The following NCOA7 variants were observed in gnomAD, a reference collection of about 807,000 sequenced individuals.
The protein encoded by NCOA7 is nuclear receptor coactivator 7, also known as 140 kDa estrogen receptor-associated protein.
NCOA7 carries 45 observed loss-of-function variants against 104.3 expected under a neutral mutation model. The observed-to-expected ratio is 0.43, with a 90% CI of 0.34 to 0.55. The LOEUF (loss-of-function observed/expected upper bound fraction) is 0.55. Ranked by LOEUF, NCOA7 falls within the 20% of genes least tolerant of loss-of-function variation. The pLI is 0.02. For missense variants in NCOA7, 1,041 were observed against 1,119.7 expected, an observed-to-expected ratio of 0.93 and a Z score of 1.00; for synonymous variants, 398 against 402.3, an observed-to-expected ratio of 0.99 and a Z score of 0.13.
chr6:125,851,453 T>A (rs1781121908), intron 2 of NCOA7, among the ~76,000 whole-genome samples: 1 of 152,246 alleles, frequency 6.6e-6, no homozygotes, highest in Non-Finnish European at 1.5e-5. Flanking sequence ...GGCTGAGTAG[T>A]AGTCCATGGT....
chr6:125,890,859 G>T (rs1784574838), intron 10 of NCOA7, 49 bp downstream of exon 10: 1 of 1,402,222 alleles, frequency 7.1e-7, no homozygotes, highest in Non-Finnish European at 9.4e-7. Context: ...AGGTTTGGAT[G>T]GCGTTTTGAT....
Position 125,881,070 on chromosome 6 carries a change from C to G in NCOA7, c.460-20C>G, listed in dbSNP as rs550481016. 1.1e-4 allele frequency: 171 copies of G among 1,531,568 alleles called. No homozygotes were observed. The highest frequency in any genetic ancestry group is 1.4e-4 in the Non-Finnish European group (157 of 1,105,136). The allele number at this position is 1,531,568 out of a possible 1,614,324, so 94.9% of individuals were successfully genotyped here. A position where few individuals can be genotyped will look rare whatever the true frequency, so the allele number is the denominator to read the frequency against. ...TGCCTGGTTGCTGGTACTCACCCATCTGTTCTCTCCCATTCTCAGGTCCTT... is the reference window on the plus strand; with the variant it reads ...TGCCTGGTTGCTGGTACTCACCCATGTGTTCTCTCCCATTCTCAGGTCCTT... On this transcript the variant is annotated intron_variant, in intron 5 of 15. Coordinates refer to ENST00000392477, the MANE Select transcript of NCOA7 (RefSeq NM_181782.5).
upstream of NCOA7, among the ~76,000 whole-genome samples, chr6:125,787,432 G>A (rs1483597624): frequency 1.3e-5 from 2 of 152,170 alleles, no homozygotes; most frequent in Non-Finnish European, 2.9e-5. Context: ...GAGAAATCCT[G>A]TTGCCTGAAC....
At chr6:125,816,482 G>A (rs980328003) in intron 2 of NCOA7, among the ~76,000 whole-genome samples, 15 of 152,130 alleles carry the variant, frequency 9.9e-5, no homozygotes, top group Admixed American at 5.2e-4. Context: ...GTTAGGAATA[G>A]TAAATCATGA....
intron 2 of NCOA7, among the ~76,000 whole-genome samples, chr6:125,845,018 C>G (rs1780477702): frequency 6.6e-6 from 1 of 152,138 alleles, no homozygotes; most frequent in Admixed American, 6.5e-5. Flanking sequence ...GGACAACAAA[C>G]CTGAGGCTTA....
upstream of NCOA7, among the ~76,000 whole-genome samples, chr6:125,786,734 C>T (rs1224667117): frequency 3.3e-5 from 5 of 152,090 alleles, no homozygotes; most frequent in Non-Finnish European, 7.3e-5. Flanking sequence ...TGCCACCATA[C>T]CCAGCTAAGT....
chr6:125,826,861 T>C (rs569802643), intron 2 of NCOA7, among the ~76,000 whole-genome samples: 25 of 152,210 alleles, frequency 1.6e-4, no homozygotes, highest in African/African-American at 5.1e-4. Flanking sequence ...GACAAGGGCC[T>C]GCATGCTGTA....
At chr6:125,816,142 TC>T (rs1777573692) in intron 2 of NCOA7, among the ~76,000 whole-genome samples, 1 of 152,148 alleles carries the variant, frequency 6.6e-6, no homozygotes, top group Non-Finnish European at 1.5e-5. Context: ...CCATCCCCAG[TC>T]CCCAGGCTGT....
chr6:125,832,082 C>T (rs559902089), intron 2 of NCOA7, among the ~76,000 whole-genome samples: 11 of 152,334 alleles, frequency 7.2e-5, no homozygotes, highest in African/African-American at 2.6e-4. Context: ...TCAATTCTTT[C>T]ACAGTGTTAT....
At chr6:125,905,860 G>T (rs547053130) in intron 10 of NCOA7, among the ~76,000 whole-genome samples, 167 of 152,230 alleles carry the variant, frequency 1.1e-3, no homozygotes, top group Non-Finnish European at 1.9e-3. Flanking sequence ...GAGTGCAGTG[G>T]CATGATCTCG....
At chr6:125,920,693 GC>G (rs1366108097) in intron 11 of NCOA7, among the ~76,000 whole-genome samples, 1 of 152,172 alleles carries the variant, frequency 6.6e-6, no homozygotes, top group Non-Finnish European at 1.5e-5. Context: ...ACAGGCATGA[GC>G]CACCACGTCT....
intron 11 of NCOA7, among the ~76,000 whole-genome samples, chr6:125,917,345 C>G (rs1787173870): frequency 6.6e-6 from 1 of 152,138 alleles, no homozygotes; most frequent in South Asian, 2.1e-4. Flanking sequence ...CATCTACCTT[C>G]CTCATCACTG....
At chr6:125,868,288 T>C (rs1384858129) in intron 3 of NCOA7, among the ~76,000 whole-genome samples, 1 of 152,242 alleles carries the variant, frequency 6.6e-6, no homozygotes, top group Non-Finnish European at 1.5e-5. Flanking sequence ...GAAACCTTTT[T>C]GCTCATGGTT....
rs975203199 is a variant in NCOA7, at chr6:125,930,850, T to C, written c.*2079T>C. 1 of 152,540 alleles carries C rather than the reference T, an allele frequency of 6.6e-6. No homozygotes were observed. Among genetic ancestry groups the C allele is most frequent in the African/African-American group, 2.4e-5 (1 of 41,446 alleles). The allele number at this position is 152,540 out of a possible 1,614,324, so 9.4% of individuals were successfully genotyped here. A position where few individuals can be genotyped will look rare whatever the true frequency, so the allele number is the denominator to read the frequency against. ...GAGATATCAGGAATGTCTCATGATA[T>C]CACGTTTACCATTTACACCATCTGC... On this transcript the variant is annotated 3_prime_UTR_variant, in exon 16 of 16. Coordinates refer to ENST00000392477, the MANE Select transcript of NCOA7 (RefSeq NM_181782.5).
chr6:125,786,812 G>T (rs1364007170), upstream of NCOA7, among the ~76,000 whole-genome samples: 1 of 152,088 alleles, frequency 6.6e-6, no homozygotes, highest in Non-Finnish European at 1.5e-5. Flanking sequence ...CTGACCTCAA[G>T]TGATCCACCC....
intron 3 of NCOA7, among the ~76,000 whole-genome samples, chr6:125,861,666 C>T (rs1377691169): frequency 3.9e-5 from 6 of 152,088 alleles, no homozygotes; most frequent in East Asian, 1.9e-4. Flanking sequence ...TTAGTGTTTT[C>T]GTGACATACC....
intron 2 of NCOA7, among the ~76,000 whole-genome samples, chr6:125,828,623 C>A (rs1225305152): frequency 6.6e-6 from 1 of 152,140 alleles, no homozygotes; most frequent in African/African-American, 2.4e-5. Flanking sequence ...AGAAAGGGAT[C>A]CCTCAGGGAT....
chr6:125,928,591 A>G, intron 15 of NCOA7, 45 bp from the exon 16 acceptor site: 2 of 1,575,242 alleles, frequency 1.3e-6, no homozygotes, highest in Non-Finnish European at 1.7e-6. Context: ...GTGTCATGTA[A>G]CATAGAAGTG....
intron 10 of NCOA7, among the ~76,000 whole-genome samples, chr6:125,909,328 G>C (rs1448651578): frequency 6.6e-6 from 1 of 152,172 alleles, no homozygotes; most frequent in Non-Finnish European, 1.5e-5. Context: ...CCAGTGTCCA[G>C]CTCTAACATT....
Sources: allele counts gnomAD v4.1 joint callset (sites outside exome capture counted in the v4.1 genomes callset), GRCh38; gene constraint gnomAD v4.1.1; transcripts MANE v1.5; gene names NCBI Gene and HGNC (gene_info 2026-07-23, HGNC 2026-07-21).